The following ZNF385D variants were observed in gnomAD, a reference collection of about 807,000 sequenced individuals.
ZNF385D encodes zinc finger protein 385D.
ZNF385D carries 15 observed loss-of-function variants against 35.8 expected under a neutral mutation model. The observed-to-expected ratio is 0.42, with a 90% CI of 0.28 to 0.64. The LOEUF (loss-of-function observed/expected upper bound fraction) is 0.64. Ranked by LOEUF, ZNF385D falls within the 30% of genes least tolerant of loss-of-function variation. The pLI, the probability that ZNF385D is intolerant of heterozygous loss-of-function variation, is 0.23. For synonymous variants in ZNF385D, 212 were observed against 186.8 expected, an observed-to-expected ratio of 1.13 and a Z score of -1.10; for missense variants, 474 against 494.6, an observed-to-expected ratio of 0.96 and a Z score of 0.39.
intron 1 of ZNF385D, among the ~76,000 whole-genome samples, chr3:21,674,696 G>C (rs1293838305): frequency 6.6e-6 from 1 of 152,070 alleles, no homozygotes; most frequent in Non-Finnish European, 1.5e-5. Flanking sequence ...CATCTCTGTA[G>C]AAAGATCACT....
At chr3:22,157,480 G>T (rs1360223288) in intron 3 of ZNF385D, among the ~76,000 whole-genome samples, 1 of 151,746 alleles carries the variant, frequency 6.6e-6, no homozygotes, top group Admixed American at 6.6e-5. Flanking sequence ...ACCCCCAGAT[G>T]TAGCTATTCT....
intron 3 of ZNF385D, among the ~76,000 whole-genome samples, chr3:21,869,923 T>C (rs970738152): frequency 1.3e-5 from 2 of 152,046 alleles, no homozygotes; most frequent in African/African-American, 4.8e-5. Context: ...AACTTAAAAC[T>C]GGTAAGATTA....
At chr3:21,593,274 C>T (rs1397951902) in intron 2 of ZNF385D, among the ~76,000 whole-genome samples, 1 of 152,142 alleles carries the variant, frequency 6.6e-6, no homozygotes, top group Non-Finnish European at 1.5e-5. Context: ...TCCATCATTC[C>T]CTACCTCTCC....
At chr3:22,072,928 C>A (rs1700296928) in intron 3 of ZNF385D, among the ~76,000 whole-genome samples, 1 of 151,926 alleles carries the variant, frequency 6.6e-6, no homozygotes. Context: ...AAGAGAAAAG[C>A]ATTTGTCCTG....
At chr3:21,893,864 T>C (rs1412502578) in intron 3 of ZNF385D, among the ~76,000 whole-genome samples, 1 of 152,202 alleles carries the variant, frequency 6.6e-6, no homozygotes, top group Non-Finnish European at 1.5e-5. Flanking sequence ...TCACTTGAAA[T>C]TGTATTTAGT....
At chr3:21,862,842 A>G (rs989967277) in intron 3 of ZNF385D, among the ~76,000 whole-genome samples, 2 of 152,166 alleles carry the variant, frequency 1.3e-5, no homozygotes, top group Admixed American at 1.3e-4. Flanking sequence ...ACCTAACTTC[A>G]AGTCAAACTG....
Position 22,130,955 on chromosome 3 carries a change from A to G in ZNF385D, c.325+37862T>C, listed in dbSNP as rs555543334. Among the ~76,000 whole-genome samples the G allele has an allele frequency of 3.9e-5, 6 of 152,150 alleles. 1 individual carries two copies. The South Asian group carries it at 1.2e-3, about 32-fold the overall frequency. On this transcript the variant is annotated intron_variant, in intron 3 of 5. Coordinates refer to the ZNF385D transcript ENST00000494108. The stretch of plus-strand genomic sequence containing the variant: ...TGTAGGCATTAATTAGCTATAGACT[A>G]TCTGTTTCTGGAGCTTGGAAGACAG...
intron 3 of ZNF385D, among the ~76,000 whole-genome samples, chr3:21,938,993 G>T (rs1017004366): frequency 6.6e-6 from 1 of 152,168 alleles, no homozygotes; most frequent in Non-Finnish European, 1.5e-5. Context: ...GTGCTTCCTG[G>T]TATCTGGAAT....
chr3:21,971,155 T>A (rs961206434), intron 3 of ZNF385D, among the ~76,000 whole-genome samples: 1 of 151,864 alleles, frequency 6.6e-6, no homozygotes, highest in Non-Finnish European at 1.5e-5. Flanking sequence ...GGTAAGTACA[T>A]AGAAAAAACA....
intron 1 of ZNF385D, among the ~76,000 whole-genome samples, chr3:21,728,269 G>T (rs183321595): frequency 4.2e-4 from 57 of 134,698 alleles, no homozygotes; most frequent in Non-Finnish European, 1.6e-4. Context: ...ATGTATCCCA[G>T]AACTTAAAGT....
intron 3 of ZNF385D, among the ~76,000 whole-genome samples, chr3:21,971,317 G>T (rs1703241889): frequency 6.6e-6 from 1 of 151,898 alleles, no homozygotes; most frequent in South Asian, 2.1e-4. Flanking sequence ...TAGAAAACAG[G>T]ATGATGATGT....
chr3:22,037,161 G>A (rs75990841), intron 3 of ZNF385D, among the ~76,000 whole-genome samples: 37 of 151,740 alleles, frequency 2.4e-4, no homozygotes, highest in South Asian at 6.3e-4. Flanking sequence ...GAATAGTGCC[G>A]CAATAAACAT....
rs539564106 is a variant in ZNF385D, at chr3:22,173,704, T to C, written c.107-4669A>G. Among the ~76,000 whole-genome samples the C allele has an allele frequency of 3.3e-5, 5 of 152,288 alleles. No individual in the cohort carries two copies. The East Asian group carries it at 5.8e-4, about 18-fold the overall frequency. On this transcript the variant is annotated intron_variant, in intron 2 of 5. Transcript: ENST00000494108. ...TGCGGTCCACCATCGGATGGCTCTT[T>C]ATCTCAAATTTGCCTGAAATGACCT...
intron 1 of ZNF385D, among the ~76,000 whole-genome samples, chr3:21,740,465 C>T (rs137945119): frequency 0.013 from 1,940 of 152,258 alleles, 39 homozygotes; most frequent in African/African-American, 0.044. Context: ...CTTTCCAGAA[C>T]TATATTACTG....
At chr3:21,752,363 AT>A (rs1197580534), upstream of ZNF385D, among the ~76,000 whole-genome samples, 1 of 152,218 alleles carries the variant, frequency 6.6e-6, no homozygotes, top group Non-Finnish European at 1.5e-5. Flanking sequence ...GAAGAATGCA[AT>A]TGATATATTT....
intron 3 of ZNF385D, among the ~76,000 whole-genome samples, chr3:21,923,129 A>G (rs61536422): frequency 0.014 from 2,109 of 152,186 alleles, 49 homozygotes; most frequent in African/African-American, 0.046. Context: ...GGTGTGCTAC[A>G]CCCATTAACT....
intron 2 of ZNF385D, among the ~76,000 whole-genome samples, chr3:22,238,774 C>A (rs1699331299): frequency 6.6e-6 from 1 of 150,474 alleles, no homozygotes; most frequent in Non-Finnish European, 1.5e-5. Flanking sequence ...GCTCTGTCAC[C>A]CAGACTGAGG....
intron 3 of ZNF385D, among the ~76,000 whole-genome samples, chr3:21,796,500 A>G (rs1230230206): frequency 6.6e-6 from 1 of 152,212 alleles, no homozygotes; most frequent in East Asian, 1.9e-4. Context: ...TATTTAATGT[A>G]ATTCATCACA....
At chr3:22,326,233 T>C (rs1282455453) in intron 2 of ZNF385D, among the ~76,000 whole-genome samples, 5 of 152,168 alleles carry the variant, frequency 3.3e-5, no homozygotes, top group Non-Finnish European at 5.9e-5. Flanking sequence ...AAAGAATGTC[T>C]CCATTGTAAT....
Sources: gnomAD v4.1 joint callset for allele counts (sites outside exome capture counted in the v4.1 genomes callset) on GRCh38, gnomAD v4.1.1 for gene constraint, MANE v1.5 for transcripts, NCBI Gene and HGNC (gene_info 2026-07-23, HGNC 2026-07-21) for gene names.